The following WFDC1 variants were observed in gnomAD, a reference collection of about 807,000 sequenced individuals.
The protein encoded by WFDC1 is WAP four-disulfide core domain protein 1.
In WFDC1, 39 loss-of-function variants were observed where a neutral mutation model predicts 32.9. That is an observed-to-expected ratio of 1.19 (90% CI 0.92 to 1.55). The LOEUF is 1.55. Among genes scored for constraint, WFDC1 ranks in the 40% most tolerant of loss-of-function variants. The pLI is 0.00. For synonymous variants in WFDC1, 184 were observed against 137.4 expected (o/e 1.34, Z -2.37); for missense variants, 386 against 309.5 (o/e 1.25, Z -1.85).
At chr16:84,314,241 G>C (rs1907819849) in intron 2 of WFDC1, among the ~76,000 whole-genome samples, 1 of 152,164 alleles carries the variant, frequency 6.6e-6, no homozygotes, top group East Asian at 1.9e-4. Context: ...CTTTTGAAGA[G>C]AAGGTTTGGG....
At chr16:84,322,052 C>T (rs1908329257) in intron 4 of WFDC1, among the ~76,000 whole-genome samples, 1 of 152,102 alleles carries the variant, frequency 6.6e-6, no homozygotes, top group African/African-American at 2.4e-5. Context: ...TCATCCCTGT[C>T]TTCGTAAAGG....
Position 84,304,531 on chromosome 16 carries a change from A to G in WFDC1, c.145-8430A>G, listed in dbSNP as rs1452282842. On this transcript the variant is annotated intron_variant, in intron 1 of 6. Coordinates refer to ENST00000219454, the MANE Select transcript of WFDC1 (RefSeq NM_021197.4). Reference sequence around the variant, plus strand: ...GTGTGAGCCACCGCGCCCGGCCAGGAATCATTTTTATCCAGGTAAGGCATA... The same window carrying G: ...GTGTGAGCCACCGCGCCCGGCCAGGGATCATTTTTATCCAGGTAAGGCATA... Among the ~76,000 whole-genome samples, 4 of 152,206 alleles carry G rather than the reference A, an allele frequency of 2.6e-5. No individual in the cohort carries two copies. In the East Asian group the frequency reaches 7.7e-4, roughly 29 times the overall value.
chr16:84,302,970 CATT>C (rs1194226992), intron 1 of WFDC1, among the ~76,000 whole-genome samples: 1 of 151,506 alleles, frequency 6.6e-6, no homozygotes, highest in Non-Finnish European at 1.5e-5. Context: ...CTGACAATGA[CATT>C]GTTGGGAAGA....
At chr16:84,296,216 C>T (rs192235442) in intron 1 of WFDC1, among the ~76,000 whole-genome samples, 22 of 152,326 alleles carry the variant, frequency 1.4e-4, no homozygotes, top group Admixed American at 2.6e-4. Context: ...GTATGTAGAA[C>T]GTCTTTGCAA....
intron 1 of WFDC1, among the ~76,000 whole-genome samples, chr16:84,306,111 G>A (rs992389521): frequency 5.3e-5 from 8 of 152,236 alleles, no homozygotes; most frequent in Admixed American, 3.3e-4. Flanking sequence ...GCACACGCAG[G>A]TGTGGTCTCT....
chr16:84,328,736 G>A (rs2151382092), intron 6 of WFDC1: 1 of 152,294 alleles, frequency 6.6e-6, no homozygotes, highest in South Asian at 2.1e-4. Flanking sequence ...TATAATCCCA[G>A]GAGTTCAAGC....
chr16:84,299,314 G>A (rs533231476), intron 1 of WFDC1, among the ~76,000 whole-genome samples: 16 of 151,800 alleles, frequency 1.1e-4, no homozygotes, highest in Middle Eastern at 3.4e-3. Context: ...GCGGTGAGCC[G>A]AGATCGTGCC....
rs559669715 is a variant in WFDC1 at position 84,312,232 on chromosome 16, A to G, written c.145-729A>G. Among the ~76,000 whole-genome samples the G allele has an allele frequency of 3.9e-5, 6 of 152,330 alleles. No individual in the cohort carries two copies. In the South Asian group the frequency reaches 8.3e-4, roughly 21 times the overall value. On this transcript the variant is annotated intron_variant, in intron 1 of 6. Transcript: ENST00000219454. ...GTATAAATCCTACGTGTTCAGCTCC[A>G]TGAATTCCCACAAAATAAACACACC...
intron 2 of WFDC1, chr16:84,316,881 G>A (rs1907980804): frequency 6.6e-6 from 1 of 152,132 alleles, no homozygotes; most frequent in Non-Finnish European, 1.5e-5. Context: ...GGGAGACTGA[G>A]GCAGGAGACT....
intron 2 of WFDC1, among the ~76,000 whole-genome samples, chr16:84,313,819 A>G (rs974592965): frequency 6.6e-6 from 1 of 152,216 alleles, no homozygotes; most frequent in Admixed American, 6.5e-5. Context: ...AAATGGGTGG[A>G]TCACCTGAGG....
intron 1 of WFDC1, among the ~76,000 whole-genome samples, chr16:84,301,977 G>A (rs1030215734): frequency 1.3e-5 from 2 of 152,206 alleles, no homozygotes; most frequent in Non-Finnish European, 2.9e-5. Flanking sequence ...CAGGGCAGAG[G>A]CAGATGGATG....
intron 6 of WFDC1, chr16:84,328,992 C>G (rs1908765592): frequency 6.6e-6 from 1 of 151,704 alleles, no homozygotes. Flanking sequence ...CAAGCTAGGT[C>G]TGGGTTTAAA....
intron 2 of WFDC1, among the ~76,000 whole-genome samples, chr16:84,314,405 T>C (rs1442427801): frequency 6.6e-6 from 1 of 152,076 alleles, no homozygotes; most frequent in Non-Finnish European, 1.5e-5. Flanking sequence ...TCGGCTCTGC[T>C]CAGGGTGATA....
chr16:84,304,401 G>A (rs1907124193), intron 1 of WFDC1, among the ~76,000 whole-genome samples: 1 of 152,150 alleles, frequency 6.6e-6, no homozygotes, highest in African/African-American at 2.4e-5. Context: ...GCTAGTTTTT[G>A]TATTTTTAGT....
chr16:84,297,920 C>T (rs539019955), intron 1 of WFDC1, among the ~76,000 whole-genome samples: 3 of 152,082 alleles, frequency 2.0e-5, no homozygotes, highest in Non-Finnish European at 4.4e-5. Context: ...GAGACTTCCC[C>T]GTGAGGCACC....
At chr16:84,308,268 A>G (rs1203777201) in intron 1 of WFDC1, among the ~76,000 whole-genome samples, 1 of 152,082 alleles carries the variant, frequency 6.6e-6, no homozygotes, top group Non-Finnish European at 1.5e-5. Flanking sequence ...GATTCCACCA[A>G]TTCCCAGGGG....
At chr16:84,325,784 T>C (rs1908556842) in intron 5 of WFDC1, 1 of 152,032 alleles carries the variant, frequency 6.6e-6, no homozygotes, top group Admixed American at 6.6e-5. Context: ...TTATCCACCC[T>C]TCTATTCCTT....
chr16:84,313,669 C>T (rs1567658437), intron 2 of WFDC1, among the ~76,000 whole-genome samples: 1 of 152,234 alleles, frequency 6.6e-6, no homozygotes, highest in East Asian at 1.9e-4. Context: ...GCCCGCCACA[C>T]TTCTCATGCC....
At position 84,305,094 on chromosome 16, in the gene WFDC1, A is replaced by C. The variant is rs1907173057; in HGVS notation, c.145-7867A>C. On this transcript the variant is annotated intron_variant, in intron 1 of 6. Transcript: ENST00000219454. Reference sequence around the variant, plus strand: ...AGTTTTTTTGTGCCTCAGTTTCCTCATCAGTAAAGTGGGTTTAGAATAGCA... The same window carrying C: ...AGTTTTTTTGTGCCTCAGTTTCCTCCTCAGTAAAGTGGGTTTAGAATAGCA... Among the ~76,000 whole-genome samples the C allele has an allele frequency of 1.3e-5, 2 of 152,172 alleles. 1 individual carries two copies. Among genetic ancestry groups the C allele is most frequent in the Admixed American group, 1.3e-4 (2 of 15,282 alleles).
Sources: allele counts gnomAD v4.1 joint callset (sites outside exome capture counted in the v4.1 genomes callset), GRCh38; gene constraint gnomAD v4.1.1; transcripts MANE v1.5; gene names NCBI Gene and HGNC (gene_info 2026-07-23, HGNC 2026-07-21).